TASOR2: variants seen among roughly 807,000 people sequenced by gnomAD.
TASOR2 encodes protein TASOR 2.
Under a neutral mutation model 199.5 loss-of-function variants are expected in TASOR2, and 84 were observed. The observed-to-expected ratio is 0.42, with a 90% CI of 0.35 to 0.50. TASOR2 has a LOEUF of 0.50. TASOR2 is among the 20% of genes least tolerant of loss of function. The pLI, the probability that TASOR2 is intolerant of heterozygous loss-of-function variation, is 0.02. For missense variants in TASOR2, 2,796 were observed against 2,835.9 expected (o/e 0.99, Z 0.32); for synonymous variants, 1,103 against 1,046.6 (o/e 1.05, Z -1.04).
intron 1 of TASOR2, among the ~76,000 whole-genome samples, chr10:5,702,229 GT>G (rs2131522032): frequency 6.6e-6 from 1 of 152,152 alleles, no homozygotes; most frequent in Admixed American, 6.5e-5. Flanking sequence ...CATGGTTTTT[GT>G]TCTTAGTTCT....
rs551300577 is a variant in TASOR2, at chr10:5,685,687, G to A, written c.-288+512G>A. ...GCAAGCCGCGTTGGGATAACTTGGT[G>A]CGAGCAACACAGAAGTTTGTCTGAA... On this transcript the variant is annotated intron_variant, in intron 1 of 20. Coordinates refer to ENST00000328090, the Ensembl canonical transcript of TASOR2. The surrounding 1 kb of genome is among the most constrained non-coding windows in gnomAD (Gnocchi z 5.4). Among the ~76,000 whole-genome samples, 3 of 152,332 alleles carry A rather than the reference G, an allele frequency of 2.0e-5. No individual in the cohort carries two copies. The highest frequency in any genetic ancestry group is 4.4e-5 in the Non-Finnish European group (3 of 68,032).
At position 5,742,898 on chromosome 10, in the gene TASOR2, T is replaced by C. The variant is rs1292002838; in HGVS notation, c.2757+372T>C. ...GATCAAATATAGCAATAATAAATCT[T>C]AGATATACTTTGATAAACCTTAAAG... On this transcript the variant is annotated intron_variant, in intron 14 of 20. Coordinates refer to ENST00000328090, the Ensembl canonical transcript of TASOR2. This position sits in a 1 kb window ranked among gnomAD's most constrained non-coding sequence, Gnocchi z 4.2. 6.6e-6 allele frequency among the ~76,000 whole-genome samples: 1 copy of C among 152,226 alleles called. No individual in the cohort carries two copies. The highest frequency in any genetic ancestry group is 2.4e-5 in the African/African-American group (1 of 41,464).
chr10:5,712,560 T>C, intron 1 of TASOR2: 1 of 1,231,340 alleles, frequency 8.1e-7, no homozygotes, highest in Non-Finnish European at 1.0e-6. Context: ...TGGTACACAC[T>C]ATGATGGTTT....
chr10:5,763,012 AT>A lies in TASOR2; in HGVS notation c.7290-13del. 6.2e-7 allele frequency: 1 copy of A among 1,610,680 alleles called. No individual in the cohort carries two copies. Among genetic ancestry groups the A allele is most frequent in the Non-Finnish European group, 8.5e-7 (1 of 1,178,262 alleles). On this transcript the variant is annotated splice_polypyrimidine_tract_variant and intron_variant, in intron 20 of 20. Coordinates refer to ENST00000328090, the Ensembl canonical transcript of TASOR2. ...TATTATTTTAAGAAGTTCTTTATCA[AT>A]TTTGTGTTTCTTCAGGTGACTCAAC...
chr10:5,742,922 A>C lies in TASOR2; in HGVS notation c.2757+396A>C, dbSNP rs185923963. ...TTAGATATACTTTGATAAACCTTAA[A>C]GTAAACTAAAATTAATTGTATTAAA... On this transcript the variant is annotated intron_variant, in intron 14 of 20. Transcript: ENST00000328090. The surrounding 1 kb of genome is among the most constrained non-coding windows in gnomAD (Gnocchi z 4.2). 6.6e-6 allele frequency among the ~76,000 whole-genome samples: 1 copy of C among 152,354 alleles called. No homozygotes were observed. The highest frequency in any genetic ancestry group is 1.9e-4 in the East Asian group (1 of 5,192).
intron 14 of TASOR2, chr10:5,743,754 TTAAC>T (rs1286484065): frequency 6.6e-6 from 1 of 152,238 alleles, no homozygotes; most frequent in African/African-American, 2.4e-5. Flanking sequence ...TAATATGTAA[TTAAC>T]TATCATCAGT....
chr10:5,746,409 C>T (rs545198118), exon 15 of TASOR2: 34 of 1,614,070 alleles, frequency 2.1e-5, no homozygotes, highest in South Asian at 1.3e-4. Context: ...GCTCTGTGTA[C>T]GGCACCCTTG....
chr10:5,692,936 CT>C (rs1836640454), intron 1 of TASOR2: 2 of 152,256 alleles, frequency 1.3e-5, no homozygotes, highest in East Asian at 3.9e-4. Flanking sequence ...GGGGAGGGGC[CT>C]AGGTCTCCCA....
chr10:5,705,101 T>A (rs1333474528), intron 1 of TASOR2, among the ~76,000 whole-genome samples: 1 of 152,216 alleles, frequency 6.6e-6, no homozygotes, highest in East Asian at 1.9e-4. Context: ...CCAATAAAAA[T>A]AGTGTGTGTC....
rs1838104348 is a variant in TASOR2 at position 5,751,993 on chromosome 10, CCCTCCCCCATCCT to C, written c.6606+1973_6606+1985del. Among the ~76,000 whole-genome samples, 1 of 151,952 alleles carries C rather than the reference CCCTCCCCCATCCT, an allele frequency of 6.6e-6. No homozygotes were observed. Among genetic ancestry groups the C allele is most frequent in the African/African-American group, 2.4e-5 (1 of 41,344 alleles). On this transcript the variant is annotated intron_variant, in intron 15 of 20. Coordinates refer to ENST00000328090, the Ensembl canonical transcript of TASOR2. This position sits in a 1 kb window ranked among gnomAD's most constrained non-coding sequence, Gnocchi z 5.3. Reference sequence around the variant, plus strand: ...TTGACTTATTGTCCCTCCCAAGTCCCCCTCCCCCATCCTCCTCCCAACCCCAGGTATAATGAGA... The same window carrying C: ...TTGACTTATTGTCCCTCCCAAGTCCCCCTCCCAACCCCAGGTATAATGAGA...
chr10:5,733,343 A>G (rs181839354), intron 11 of TASOR2, among the ~76,000 whole-genome samples: 20 of 152,116 alleles, frequency 1.3e-4, no homozygotes, highest in Non-Finnish European at 2.8e-4. Context: ...CCCCGTCTCT[A>G]CTAAAAACAC....
rs1400515025 is a variant in TASOR2, at chr10:5,725,622, T to G, written c.351+1089T>G. 2.6e-5 allele frequency among the ~76,000 whole-genome samples: 4 copies of G among 152,154 alleles called. No individual in the cohort carries two copies. In the East Asian group the frequency reaches 7.7e-4, roughly 29 times the overall value. On this transcript the variant is annotated intron_variant, in intron 8 of 20. Transcript: ENST00000328090. ...TCTCTACCAAAATTAAAAAACTTTT[T>G]TTTTTTAAACTAGCCAGGCATAATG...
chr10:5,717,704 G>T lies in TASOR2; in HGVS notation c.-146G>T. 1 of 1,225,700 alleles carries T rather than the reference G, an allele frequency of 8.2e-7. No homozygotes were observed. Among genetic ancestry groups the T allele is most frequent in the South Asian group, 4.1e-5 (1 of 24,178 alleles). 75.9% of individuals were successfully genotyped at this position (1,225,700 alleles called of 1,614,324 possible). A position where few individuals can be genotyped will look rare whatever the true frequency, so the allele number is the denominator to read the frequency against. ...TCCGACTGTCTTCATTCAAGACCAT[G>T]GTATCATGGGAAATCTGGTTATGTT... On this transcript the variant is annotated 5_prime_UTR_variant, in exon 3 of 21. The change abolishes an upstream ATG in the 5' untranslated region. Coordinates refer to ENST00000328090, the Ensembl canonical transcript of TASOR2.
exon 15 of TASOR2, chr10:5,749,263 C>T (rs1403622192): frequency 1.2e-5 from 19 of 1,614,196 alleles, no homozygotes; most frequent in Non-Finnish European, 1.6e-5. Flanking sequence ...GAGGAGGCAC[C>T]CGAGTTTCAG....
rs1833215439 is a variant in TASOR2 at position 5,720,493 on chromosome 10, A to G, written c.-99-51A>G. On this transcript the variant is annotated intron_variant, in intron 3 of 20. Coordinates refer to ENST00000328090, the Ensembl canonical transcript of TASOR2. The surrounding 1 kb of genome is among the most constrained non-coding windows in gnomAD (Gnocchi z 5.3). ...GGTGGGGTTGAGAAAAACTTGGTAC[A>G]TATGCAGTTCCATAGTGCTACCCTG... The G allele has an allele frequency of 2.7e-6, 4 of 1,464,646 alleles. No homozygotes were observed. Among genetic ancestry groups the G allele is most frequent in the South Asian group, 2.9e-5 (2 of 69,796 alleles). The allele number at this position is 1,464,646 out of a possible 1,614,324, so 90.7% of individuals were successfully genotyped here.
At chr10:5,697,511 A>T (rs1029980201) in intron 1 of TASOR2, among the ~76,000 whole-genome samples, 1 of 152,176 alleles carries the variant, frequency 6.6e-6, no homozygotes, top group African/African-American at 2.4e-5. Context: ...CAGAATGAGA[A>T]AGTGCCTGGG....
At chr10:5,753,314 T>C (rs1329515142) in intron 15 of TASOR2, among the ~76,000 whole-genome samples, 4 of 152,162 alleles carry the variant, frequency 2.6e-5, no homozygotes, top group Non-Finnish European at 5.9e-5. Context: ...AGCCTAATTG[T>C]ATTCTTTTTC....
chr10:5,724,620 AT>A (rs1564299058), intron 8 of TASOR2, 87 bp downstream of exon 9: 6 of 89,582 alleles, frequency 6.7e-5, no homozygotes, highest in Admixed American at 5.3e-4. Flanking sequence ...ATATATATAT[AT>A]TATATATATA....
In TASOR2 at chr10:5,694,362, A is replaced by C. The variant is rs554781927; in HGVS notation, c.-288+9187A>C. On this transcript the variant is annotated intron_variant, in intron 1 of 20. Transcript: ENST00000328090. Reference sequence around the variant, plus strand: ...TGGAAAACTAATTGATTAATTTGTTAAGTAAATATTTATTGAAACCCTACT... The same window carrying C: ...TGGAAAACTAATTGATTAATTTGTTCAGTAAATATTTATTGAAACCCTACT... Among the ~76,000 whole-genome samples, 9 of 152,354 alleles carry C rather than the reference A, an allele frequency of 5.9e-5. No individual in the cohort carries two copies. The East Asian group carries it at 1.7e-3, about 29-fold the overall frequency.
Sources: gnomAD v4.1 joint callset for allele counts (sites outside exome capture counted in the v4.1 genomes callset) on GRCh38, gnomAD v4.1.1 for gene constraint, Gnocchi (gnomAD v3.1) non-coding constraint, MANE v1.5 for transcripts, NCBI Gene and HGNC (gene_info 2026-07-23, HGNC 2026-07-21) for gene names.